The following HLA-DRB5 variants were observed in gnomAD, a reference collection of about 807,000 sequenced individuals.
The protein encoded by HLA-DRB5 is major histocompatibility complex, class II, DR beta 5, also known as DR beta-5.
Under a neutral mutation model 22.4 loss-of-function variants are expected in HLA-DRB5, and 11 were observed. That is an observed-to-expected ratio of 0.49 (90% confidence interval 0.31 to 0.81). The LOEUF is 0.81. Among genes scored for constraint, HLA-DRB5 ranks in the 40% least tolerant of loss-of-function variants. HLA-DRB5 has a pLI of 0.05. For synonymous variants in HLA-DRB5, 57 were observed against 106.0 expected (o/e 0.54, Z 2.84); for missense variants, 106 against 274.4 (o/e 0.39, Z 4.34).
At position 32,530,247 on chromosome 6, in the gene HLA-DRB5, G is replaced by A. The variant is rs1179544740; in HGVS notation, c.-23C>T. 2.1e-6 allele frequency: 3 copies of A among 1,403,972 alleles called. No homozygotes were observed. The South Asian group carries it at 3.7e-5, about 17-fold the overall frequency. 87.0% of individuals were successfully genotyped at this position (1,403,972 alleles called of 1,614,324 possible). A position where few individuals can be genotyped will look rare whatever the true frequency, so the allele number is the denominator to read the frequency against. ...CATGCTGGAGAACAGGACAGGACCA[G>A]GGGCCAGAGGAGCAGGCAAGTCTCA... On this transcript the variant is annotated 5_prime_UTR_variant, in exon 1 of 6. Transcript: ENST00000374975.
At chr6:32,528,351 T>A (rs372707289) in intron 1 of HLA-DRB5, among the ~76,000 whole-genome samples, 54,488 of 93,126 alleles carry the variant, frequency 0.59, 12,498 homozygotes, top group Middle Eastern at 0.66. Flanking sequence ...GTCGGGACCC[T>A]CTCTATCTTA....
chr6:32,521,366 C>G (rs1269554641), intron 2 of HLA-DRB5, among the ~76,000 whole-genome samples: 1 of 131,340 alleles, frequency 7.6e-6, no homozygotes, highest in African/African-American at 2.8e-5. Flanking sequence ...CCTCAATTCC[C>G]CTAGAAATTA....
intron 2 of HLA-DRB5, among the ~76,000 whole-genome samples, chr6:32,521,583 T>TCACCTCTCTCTCCAGCCGCCCGCAC (rs1768872540): frequency 1.2e-5 from 1 of 81,276 alleles, no homozygotes; most frequent in Non-Finnish European, 2.6e-5. Context: ...ACAACCAAGG[T>TCACCTCTCTCTCCAGCCGCCCGCAC]CTCCTCTCTC....
At chr6:32,528,088 C>A (rs796096441) in intron 1 of HLA-DRB5, among the ~76,000 whole-genome samples, 1,112 of 31,942 alleles carry the variant, frequency 0.035, 50 homozygotes, top group Middle Eastern at 0.05. Flanking sequence ...GGCTTCCCCC[C>A]CAATTCGGTC....
intron 3 of HLA-DRB5, among the ~76,000 whole-genome samples, 181 bp downstream of exon 3, chr6:32,519,189 C>A (rs184981897): frequency 0.018 from 1,113 of 62,478 alleles, 2 homozygotes; most frequent in African/African-American, 0.019. Context: ...GACTGCTTCC[C>A]CAGAGGATAC....
chr6:32,521,317 T>G (rs1768837516), intron 2 of HLA-DRB5, among the ~76,000 whole-genome samples: 2 of 129,314 alleles, frequency 1.5e-5, no homozygotes, highest in African/African-American at 2.9e-5. Flanking sequence ...TAGCAAGAAA[T>G]TTAGACCTAA....
chr6:32,523,578 T>C (rs1462876173), intron 1 of HLA-DRB5, among the ~76,000 whole-genome samples: 5 of 65,024 alleles, frequency 7.7e-5, no homozygotes, highest in African/African-American at 2.7e-4. Flanking sequence ...TATTTGTGAC[T>C]TATAAGGGCA....
Position 32,526,009 on chromosome 6 carries a change from TC to T in HLA-DRB5, c.101-3836del, listed in dbSNP as rs772825055. Among the ~76,000 whole-genome samples, 194 of 83,320 alleles carry T rather than the reference TC, an allele frequency of 2.3e-3. 4 individuals are homozygous for T. The highest frequency in any genetic ancestry group is 5.8e-3 in the South Asian group (15 of 2,584). The allele number at this position is 83,320 out of a possible 152,430, so 54.7% of individuals were successfully genotyped here. ...TGACCGAGCATCTCTGGTTCACAGG[TC>T]CTCCTGCTTCTCTTCAGCCTCTTTA... On this transcript the variant is annotated intron_variant, in intron 1 of 5. Transcript: ENST00000374975.
chr6:32,520,593 AAGGC>A (rs71811299), intron 2 of HLA-DRB5, among the ~76,000 whole-genome samples: 34,104 of 72,516 alleles, frequency 0.47, 4,350 homozygotes, highest in Middle Eastern at 0.5. Context: ...CATTTGGATC[AAGGC>A]AGGCAGGGTC....
At chr6:32,523,760 G>T (rs182428146) in intron 1 of HLA-DRB5, among the ~76,000 whole-genome samples, 1 of 78,058 alleles carries the variant, frequency 1.3e-5, no homozygotes, top group African/African-American at 4.6e-5. Context: ...AATGAAGCAA[G>T]CAAAAATAAA....
chr6:32,529,448 T>TGAGGAG (rs1186547186), intron 1 of HLA-DRB5, among the ~76,000 whole-genome samples: 7 of 47,410 alleles, frequency 1.5e-4, no homozygotes, highest in Non-Finnish European at 1.7e-4. Flanking sequence ...CTTAAGTCCT[T>TGAGGAG]TAGGCACCAA....
At chr6:32,521,192 C>T (rs1430103978) in intron 2 of HLA-DRB5, among the ~76,000 whole-genome samples, 1,084 of 42,492 alleles carry the variant, frequency 0.026, 1 homozygote, top group East Asian at 0.032. Flanking sequence ...TAGTAGAAAA[C>T]TATTAGCATT....
At chr6:32,519,811 G>C (rs113486815) in intron 2 of HLA-DRB5, among the ~76,000 whole-genome samples, 160 bp from the exon 3 acceptor site, 1 of 73,268 alleles carries the variant, frequency 1.4e-5, no homozygotes, top group African/African-American at 6.6e-5. Flanking sequence ...CTGGAATTTA[G>C]TCTTTATAGT....
chr6:32,525,232 A>T (rs537372552), intron 1 of HLA-DRB5, among the ~76,000 whole-genome samples: 2,445 of 31,584 alleles, frequency 0.077, 790 homozygotes, highest in African/African-American at 0.085. Flanking sequence ...CCTCTTTTAA[A>T]TGGGTCACTT....
chr6:32,523,894 T>TG (rs1769267257), intron 1 of HLA-DRB5, among the ~76,000 whole-genome samples: 1 of 91,598 alleles, frequency 1.1e-5, no homozygotes, highest in Non-Finnish European at 2.3e-5. Context: ...CAGATAATTC[T>TG]TTGTTGGTAA....
At chr6:32,519,823 G>T (rs147907007) in intron 2 of HLA-DRB5, among the ~76,000 whole-genome samples, 172 bp from the exon 3 acceptor site, 5 of 67,432 alleles carry the variant, frequency 7.4e-5, no homozygotes, top group South Asian at 9.8e-4. Context: ...CTTTATAGTG[G>T]GGGCTCATCA....
chr6:32,524,839 G>GTTAAATTT (rs1179331390), intron 1 of HLA-DRB5, among the ~76,000 whole-genome samples: 3 of 62,280 alleles, frequency 4.8e-5, no homozygotes, highest in Non-Finnish European at 9.6e-5. Context: ...AGGATGCCCA[G>GTTAAATTT]GTAAATCTGG....
chr6:32,529,974 G>GGT (rs372301560), intron 1 of HLA-DRB5, 151 bp downstream of exon 1: 6,769 of 620,110 alleles, frequency 0.011, 220 homozygotes, highest in Middle Eastern at 0.033. Flanking sequence ...CTCCTTTTGT[G>GGT]GAGGAAATAA....
At chr6:32,518,939 GT>G (rs796528863) in intron 3 of HLA-DRB5, among the ~76,000 whole-genome samples, 944 of 70,422 alleles carry the variant, frequency 0.013, 2 homozygotes, top group Non-Finnish European at 0.016. Context: ...AGGTTAAATA[GT>G]TTGTCTAGAG....
Sources: allele counts gnomAD v4.1 joint callset (sites outside exome capture counted in the v4.1 genomes callset), GRCh38; gene constraint gnomAD v4.1.1; transcripts MANE v1.5; gene names NCBI Gene and HGNC (gene_info 2026-07-23, HGNC 2026-07-21).